The following KHDRBS2 variants were observed in gnomAD, a reference collection of about 807,000 sequenced individuals.
The protein encoded by KHDRBS2 is KH RNA binding domain containing, signal transduction associated 2, also known as KH domain-containing, RNA-binding, signal transduction-associated protein 2.
Under a neutral mutation model 44.3 loss-of-function variants are expected in KHDRBS2, and 26 were observed. That is an observed-to-expected ratio of 0.59 (90% confidence interval 0.43 to 0.81). The LOEUF is 0.81. Among genes scored for constraint, KHDRBS2 ranks in the 40% least tolerant of loss-of-function variants. The probability of loss-of-function intolerance (pLI) is 0.00; values close to 1 mark genes in which losing one functional copy is unlikely to be tolerated. For missense variants in KHDRBS2, 476 were observed against 433.1 expected, an observed-to-expected ratio of 1.10 and a Z score of -0.88; for synonymous variants, 194 against 151.1, an observed-to-expected ratio of 1.28 and a Z score of -2.08.
intron 4 of KHDRBS2, among the ~76,000 whole-genome samples, chr6:61,932,690 C>A (rs1478095119): frequency 6.6e-6 from 1 of 152,058 alleles, no homozygotes; most frequent in Non-Finnish European, 1.5e-5. Context: ...TTCCCAGCTA[C>A]TCGGGAGGCA....
At chr6:62,239,569 T>C (rs1036044451) in intron 1 of KHDRBS2, among the ~76,000 whole-genome samples, 5 of 95,806 alleles carry the variant, frequency 5.2e-5, no homozygotes, top group South Asian at 4.0e-4. Flanking sequence ...TTAGACCCCA[T>C]CTCAATTAAA....
chr6:61,676,346 C>A (rs527928879), downstream of KHDRBS2, among the ~76,000 whole-genome samples: 2 of 151,814 alleles, frequency 1.3e-5, no homozygotes, highest in Non-Finnish European at 2.9e-5. Flanking sequence ...AAACTTAAGT[C>A]TCCATTCCGC....
intron 1 of KHDRBS2, among the ~76,000 whole-genome samples, chr6:62,273,699 T>C (rs1840455580): frequency 6.6e-6 from 1 of 152,114 alleles, no homozygotes; most frequent in Non-Finnish European, 1.5e-5. Flanking sequence ...ACGTAAACCA[T>C]TGTCTGCAGC....
chr6:62,213,459 C>T (rs1012941238), intron 1 of KHDRBS2, among the ~76,000 whole-genome samples: 3 of 151,770 alleles, frequency 2.0e-5, no homozygotes, highest in South Asian at 2.1e-4. Context: ...AAAAATCAAA[C>T]GAAAATCGGA....
chr6:62,279,799 G>C (rs964840339), intron 1 of KHDRBS2, among the ~76,000 whole-genome samples: 1 of 152,218 alleles, frequency 6.6e-6, no homozygotes, highest in African/African-American at 2.4e-5. Context: ...AGAGGACAGA[G>C]AGAAGAGCAA....
chr6:62,107,967 G>A lies in KHDRBS2; in HGVS notation c.220-59973C>T, dbSNP rs548256476. ...TTCAAGATGGATTAAAGACTTAAAC[G>A]TTAGACCTAAAACCATAAAAACCCT... is the stretch of plus-strand genomic sequence containing the variant. On this transcript the variant is annotated intron_variant, in intron 2 of 8. Coordinates refer to ENST00000281156, the MANE Select transcript of KHDRBS2 (RefSeq NM_152688.4). Among the ~76,000 whole-genome samples, 10 of 152,112 alleles carry A rather than the reference G, an allele frequency of 6.6e-5. No homozygotes were observed. In the East Asian group the frequency reaches 1.2e-3, roughly 18 times the overall value.
chr6:61,572,886 G>C, the KHDRBS2 span, among the ~76,000 whole-genome samples: 1 of 152,122 alleles, frequency 6.6e-6, no homozygotes, highest in Non-Finnish European at 1.5e-5. Flanking sequence ...AAACTTGAAA[G>C]CATTCCCCTT....
At chr6:62,010,003 C>T (rs747485743) in intron 3 of KHDRBS2, among the ~76,000 whole-genome samples, 1 of 152,124 alleles carries the variant, frequency 6.6e-6, no homozygotes, top group Non-Finnish European at 1.5e-5. Flanking sequence ...GGGCCACCGT[C>T]CTCCAGATCC....
At chr6:61,984,328 C>A (rs1774594290) in intron 3 of KHDRBS2, among the ~76,000 whole-genome samples, 1 of 152,040 alleles carries the variant, frequency 6.6e-6, no homozygotes, top group South Asian at 2.1e-4. Flanking sequence ...GAAATTTCTC[C>A]CCAGAGCAAT....
chr6:61,588,469 G>T, the KHDRBS2 span, among the ~76,000 whole-genome samples: 1 of 152,104 alleles, frequency 6.6e-6, no homozygotes, highest in Non-Finnish European at 1.5e-5. Flanking sequence ...TGGATCACAT[G>T]ATTTAAATTG....
intron 6 of KHDRBS2, among the ~76,000 whole-genome samples, chr6:61,888,275 C>G (rs1218431941): frequency 6.6e-6 from 1 of 152,120 alleles, no homozygotes; most frequent in Non-Finnish European, 1.5e-5. Context: ...GACTTCTTCC[C>G]TATGGTTAGA....
At chr6:61,866,269 G>A (rs753726239) in intron 6 of KHDRBS2, among the ~76,000 whole-genome samples, 7 of 152,206 alleles carry the variant, frequency 4.6e-5, no homozygotes, top group Non-Finnish European at 7.3e-5. Flanking sequence ...AAATCTAGGT[G>A]GAGGCTCCCA....
intron 1 of KHDRBS2, 87 bp from the exon 2 acceptor site, chr6:62,177,399 T>A: frequency 1.0e-6 from 1 of 984,340 alleles, no homozygotes; most frequent in Non-Finnish European, 1.5e-6. Flanking sequence ...TAAATAATAT[T>A]CATATTACTC....
chr6:61,658,875 A>G, the KHDRBS2 span, among the ~76,000 whole-genome samples: 1 of 25,800 alleles, frequency 3.9e-5, no homozygotes, highest in Non-Finnish European at 9.7e-5. Context: ...ACTCTGCACT[A>G]GTAAAAATTT....
chr6:61,887,622 G>A (rs1453121781), intron 6 of KHDRBS2, among the ~76,000 whole-genome samples: 1 of 152,146 alleles, frequency 6.6e-6, no homozygotes, highest in Non-Finnish European at 1.5e-5. Context: ...ATTCCATGTG[G>A]TCAGAAATTT....
At chr6:61,862,630 T>A (rs547378313) in intron 6 of KHDRBS2, among the ~76,000 whole-genome samples, 1 of 152,330 alleles carries the variant, frequency 6.6e-6, no homozygotes, top group Non-Finnish European at 1.5e-5. Flanking sequence ...TTTATTTATT[T>A]GCATATGCTT....
chr6:62,180,657 C>G (rs1242270290), intron 1 of KHDRBS2, among the ~76,000 whole-genome samples: 1 of 151,630 alleles, frequency 6.6e-6, no homozygotes, highest in African/African-American at 2.4e-5. Context: ...CTGTCAAAAT[C>G]CCAATGACAT....
chr6:61,957,449 G>A (rs1261207956), intron 4 of KHDRBS2, among the ~76,000 whole-genome samples: 1 of 152,156 alleles, frequency 6.6e-6, no homozygotes, highest in East Asian at 1.9e-4. Flanking sequence ...TTCTCAGCAA[G>A]GAACAACCCT....
the KHDRBS2 span, among the ~76,000 whole-genome samples, chr6:61,563,185 T>C: frequency 6.6e-6 from 1 of 152,146 alleles, no homozygotes; most frequent in Non-Finnish European, 1.5e-5. Context: ...TTTAGTGTTT[T>C]CAGGTTTGGT....
Sources: gnomAD v4.1 joint callset for allele counts (sites outside exome capture counted in the v4.1 genomes callset) on GRCh38, gnomAD v4.1.1 for gene constraint, MANE v1.5 for transcripts, NCBI Gene and HGNC (gene_info 2026-07-23, HGNC 2026-07-21) for gene names.